Variants in ZDHHC14 observed in about 807,000 individuals in gnomAD.
ZDHHC14 encodes zDHHC palmitoyltransferase 14.
A neutral mutation model predicts 47.7 loss-of-function variants in ZDHHC14; 16 were observed. The ratio of observed to expected loss-of-function variants is 0.34; its 90% CI spans 0.23 to 0.51. ZDHHC14 has a LOEUF of 0.51. Ranked by LOEUF, ZDHHC14 falls within the 20% of genes least tolerant of loss-of-function variation. The probability of loss-of-function intolerance (pLI) is 0.97; values close to 1 mark genes in which losing one functional copy is unlikely to be tolerated. For synonymous variants in ZDHHC14, 293 were observed against 278.9 expected (o/e 1.05, Z -0.50); for missense variants, 515 against 662.5 (o/e 0.78, Z 2.44).
At chr6:157,446,872 A>C (rs1253497273) in intron 1 of ZDHHC14, among the ~76,000 whole-genome samples, 1 of 151,898 alleles carries the variant, frequency 6.6e-6, no homozygotes, top group Admixed American at 6.6e-5. Flanking sequence ...TACTCCCAGC[A>C]CTTTGGGAGG....
intron 3 of ZDHHC14, among the ~76,000 whole-genome samples, chr6:157,612,362 G>A: frequency 6.6e-6 from 1 of 152,180 alleles, no homozygotes; most frequent in Non-Finnish European, 1.5e-5. Context: ...CATCACTATG[G>A]GAAGGAGGCC....
At chr6:157,585,526 T>A (rs149509810) in intron 2 of ZDHHC14, among the ~76,000 whole-genome samples, 1 of 151,962 alleles carries the variant, frequency 6.6e-6, no homozygotes, top group African/African-American at 2.4e-5. Flanking sequence ...GATCTCCAGA[T>A]GAGAGAAAGA....
intron 1 of ZDHHC14, among the ~76,000 whole-genome samples, chr6:157,410,797 A>G (rs1284281706): frequency 6.6e-6 from 1 of 152,128 alleles, no homozygotes; most frequent in Non-Finnish European, 1.5e-5. Flanking sequence ...CCTGGGTTCA[A>G]GCGATTCTCC....
chr6:157,479,747 A>G (rs981478556), intron 1 of ZDHHC14, among the ~76,000 whole-genome samples: 1 of 152,254 alleles, frequency 6.6e-6, no homozygotes, highest in Non-Finnish European at 1.5e-5. Context: ...TATGAAGTAG[A>G]GTTGTGCAAA....
chr6:157,391,285 C>A (rs2114735373), intron 1 of ZDHHC14, among the ~76,000 whole-genome samples: 1 of 152,286 alleles, frequency 6.6e-6, no homozygotes, highest in East Asian at 1.9e-4. Flanking sequence ...CAGTCTTGCA[C>A]CAAGTTTCTG....
intron 2 of ZDHHC14, among the ~76,000 whole-genome samples, chr6:157,563,100 A>G (rs749275038): frequency 2.8e-4 from 42 of 152,136 alleles, no homozygotes; most frequent in Non-Finnish European, 4.9e-4. Flanking sequence ...AGGCACCCGG[A>G]GCTGGGCTGG....
intron 1 of ZDHHC14, among the ~76,000 whole-genome samples, chr6:157,445,396 G>GGTTCATTTGTCTTGCCTCCGT (rs1344779198): frequency 1.4e-4 from 21 of 152,124 alleles, no homozygotes; most frequent in South Asian, 2.1e-4. Flanking sequence ...ATGAAAACCT[G>GGTTCATTTGTCTTGCCTCCGT]GTTCATTTGT....
At chr6:157,515,467 T>C (rs141754781) in intron 1 of ZDHHC14, among the ~76,000 whole-genome samples, 7,823 of 137,378 alleles carry the variant, frequency 0.057, 521 homozygotes, top group Admixed American at 0.17. Context: ...CTTTTTTTTT[T>C]TTTTTTTTTT....
chr6:157,454,338 A>G (rs902772302), intron 1 of ZDHHC14, among the ~76,000 whole-genome samples: 1 of 152,226 alleles, frequency 6.6e-6, no homozygotes, highest in Admixed American at 6.5e-5. Context: ...GTCTTCTAAC[A>G]TCAAGGAGTA....
chr6:157,538,562 A>G (rs1446151950), intron 1 of ZDHHC14, among the ~76,000 whole-genome samples: 2 of 152,230 alleles, frequency 1.3e-5, no homozygotes, highest in Non-Finnish European at 2.9e-5. Flanking sequence ...GCATCCTGCT[A>G]GGTGCTACAA....
At chr6:157,617,601 G>A (rs555530958) in intron 3 of ZDHHC14, among the ~76,000 whole-genome samples, 3 of 152,318 alleles carry the variant, frequency 2.0e-5, no homozygotes, top group African/African-American at 4.8e-5. Flanking sequence ...ATGTATACAT[G>A]TAGTCAGAAG....
intron 3 of ZDHHC14, among the ~76,000 whole-genome samples, chr6:157,609,600 G>A (rs974787756): frequency 2.6e-5 from 4 of 152,216 alleles, no homozygotes; most frequent in Admixed American, 6.5e-5. Context: ...AATAAGAAGT[G>A]CCATCATGTG....
At chr6:157,611,314 TAAAA>T (rs200106027) in intron 3 of ZDHHC14, among the ~76,000 whole-genome samples, 2,028 of 152,294 alleles carry the variant, frequency 0.013, 17 homozygotes, top group East Asian at 0.046. Flanking sequence ...TGTGTACTTT[TAAAA>T]AGTGCTTTGA....
At chr6:157,552,762 G>A (rs1030558134) in intron 2 of ZDHHC14, among the ~76,000 whole-genome samples, 1 of 152,094 alleles carries the variant, frequency 6.6e-6, no homozygotes, top group African/African-American at 2.4e-5. Flanking sequence ...AGCCTCTCAG[G>A]GACAGCTTGT....
intron 1 of ZDHHC14, among the ~76,000 whole-genome samples, chr6:157,524,968 G>C (rs1781105152): frequency 6.6e-6 from 1 of 152,184 alleles, no homozygotes; most frequent in South Asian, 2.1e-4. Flanking sequence ...ACAGTTTCTT[G>C]GATGTGGCTT....
At chr6:157,608,020 G>A (rs957063501) in intron 3 of ZDHHC14, among the ~76,000 whole-genome samples, 2 of 152,192 alleles carry the variant, frequency 1.3e-5, no homozygotes, top group African/African-American at 4.8e-5. Context: ...GTGTCTACCT[G>A]GTTTGTGCCT....
At chr6:157,597,194 CCTCTT>C (rs1562498896) in intron 3 of ZDHHC14, among the ~76,000 whole-genome samples, 1 of 152,206 alleles carries the variant, frequency 6.6e-6, no homozygotes, top group African/African-American at 2.4e-5. Flanking sequence ...CAGGGAGCCA[CCTCTT>C]CTCTCTCGGA....
At chr6:157,595,969 A>G (rs1327067347) in intron 3 of ZDHHC14, among the ~76,000 whole-genome samples, 1 of 152,156 alleles carries the variant, frequency 6.6e-6, no homozygotes, top group African/African-American at 2.4e-5. Flanking sequence ...GAAGACTGGA[A>G]CCCAGGAGCA....
Position 157,418,714 on chromosome 6 carries a change from A to G in ZDHHC14, c.245+36448A>G, listed in dbSNP as rs111769424. Among the ~76,000 whole-genome samples, 1,242 of 152,320 alleles carry G rather than the reference A, an allele frequency of 8.2e-3. 15 individuals are homozygous for G. Among genetic ancestry groups the G allele is most frequent in the Non-Finnish European group, 0.013 (873 of 68,020 alleles). Reference sequence around the variant, plus strand: ...TTCTACCCTCCTCAACCCATTCCCCATCTCTCAGCAAATACCCAGTTCAGT... The same window carrying G: ...TTCTACCCTCCTCAACCCATTCCCCGTCTCTCAGCAAATACCCAGTTCAGT... On this transcript the variant is annotated intron_variant, in intron 1 of 8. Coordinates refer to ENST00000359775, the MANE Select transcript of ZDHHC14 (RefSeq NM_024630.3).
Sources: allele counts gnomAD v4.1 joint callset (sites outside exome capture counted in the v4.1 genomes callset), GRCh38; gene constraint gnomAD v4.1.1; transcripts MANE v1.5; gene names NCBI Gene and HGNC (gene_info 2026-07-23, HGNC 2026-07-21).